The following RASGRF2 variants were observed in gnomAD, a reference collection of about 807,000 sequenced individuals.
RASGRF2 encodes the protein ras-specific guanine nucleotide-releasing factor 2.
A neutral mutation model predicts 151.0 loss-of-function variants in RASGRF2; 76 were observed. That is an observed-to-expected ratio of 0.50 (90% CI 0.42 to 0.61). The LOEUF is 0.61. Among genes scored for constraint, RASGRF2 ranks in the 20% least tolerant of loss-of-function variants. RASGRF2 has a pLI of 0.00. For synonymous variants in RASGRF2, 504 were observed against 566.5 expected (o/e 0.89, Z 1.57); for missense variants, 1,148 against 1,564.6 (o/e 0.73, Z 4.49).
chr5:81,205,663 C>T (rs192127265), intron 19 of RASGRF2, among the ~76,000 whole-genome samples: 1 of 152,334 alleles, frequency 6.6e-6, no homozygotes, highest in Admixed American at 6.5e-5. Context: ...CTCTTCATAT[C>T]GCATAAATCT....
intron 1 of RASGRF2, among the ~76,000 whole-genome samples, chr5:81,036,301 T>C (rs1750490799): frequency 6.6e-6 from 1 of 152,106 alleles, no homozygotes; most frequent in South Asian, 2.1e-4. Context: ...TCCTGCCATC[T>C]TCTTACCTTC....
At chr5:81,215,009 A>G (rs1171420268) in intron 23 of RASGRF2, among the ~76,000 whole-genome samples, 2 of 152,232 alleles carry the variant, frequency 1.3e-5, no homozygotes, top group East Asian at 3.8e-4. Context: ...TAAAGGGTTC[A>G]TCGCAAAAGC....
At chr5:81,011,332 A>T (rs755768074) in intron 1 of RASGRF2, among the ~76,000 whole-genome samples, 1 of 152,116 alleles carries the variant, frequency 6.6e-6, no homozygotes, top group Admixed American at 6.5e-5. Flanking sequence ...TTATTTAGCT[A>T]TCGCTTTATT....
chr5:80,977,541 C>A (rs915009735), intron 1 of RASGRF2, among the ~76,000 whole-genome samples: 3 of 152,062 alleles, frequency 2.0e-5, no homozygotes, highest in East Asian at 1.9e-4. Context: ...CAGCTCACTG[C>A]GACCTCCATC....
intron 1 of RASGRF2, among the ~76,000 whole-genome samples, chr5:81,038,974 A>G (rs941476641): frequency 2.0e-5 from 3 of 152,138 alleles, no homozygotes; most frequent in Admixed American, 1.3e-4. Flanking sequence ...CATTTGTTGT[A>G]TAAAAGTTTT....
chr5:80,978,518 C>T (rs1354478088), intron 1 of RASGRF2, among the ~76,000 whole-genome samples: 3 of 152,154 alleles, frequency 2.0e-5, no homozygotes, highest in Admixed American at 6.6e-5. Flanking sequence ...CACAGTGGCT[C>T]ATGCCTATAA....
intron 1 of RASGRF2, among the ~76,000 whole-genome samples, chr5:81,012,519 G>A (rs900697005): frequency 1.3e-5 from 2 of 152,076 alleles, no homozygotes; most frequent in Admixed American, 6.6e-5. Flanking sequence ...GTCAGTAGAC[G>A]GAATCTAGAC....
intron 1 of RASGRF2, among the ~76,000 whole-genome samples, chr5:81,006,175 G>T (rs554345052): frequency 6.6e-6 from 1 of 152,088 alleles, no homozygotes; most frequent in South Asian, 2.1e-4. Context: ...ACTCAAATTT[G>T]TATTACCCAA....
intron 12 of RASGRF2, among the ~76,000 whole-genome samples, chr5:81,104,521 T>A (rs1347959561): frequency 6.6e-6 from 1 of 152,180 alleles, no homozygotes; most frequent in Non-Finnish European, 1.5e-5. Context: ...GTGTATTATT[T>A]CCCCTTTCCA....
At chr5:81,113,154 T>A (rs951799890) in intron 14 of RASGRF2, among the ~76,000 whole-genome samples, 3 of 152,170 alleles carry the variant, frequency 2.0e-5, no homozygotes, top group Admixed American at 2.0e-4. Context: ...CTTTTTTTTT[T>A]TGACAATTAT....
chr5:81,059,727 C>T, intron 2 of RASGRF2, among the ~76,000 whole-genome samples: 1 of 151,932 alleles, frequency 6.6e-6, no homozygotes, highest in Non-Finnish European at 1.5e-5. Context: ...CACCTGTAAT[C>T]CCAGCTATTC....
At chr5:81,126,967 A>T in intron 16 of RASGRF2, 107 bp from the exon 17 acceptor site, 1 of 1,208,418 alleles carries the variant, frequency 8.3e-7, no homozygotes, top group Non-Finnish European at 1.2e-6. Context: ...AATACAGGGC[A>T]TTTGGCCCAG....
chr5:80,976,533 A>G (rs943193139), intron 1 of RASGRF2, among the ~76,000 whole-genome samples: 2 of 152,204 alleles, frequency 1.3e-5, no homozygotes, highest in African/African-American at 2.4e-5. Flanking sequence ...CATAACCTCT[A>G]TAATCTCTAT....
chr5:81,123,544 T>G (rs1753368601), intron 15 of RASGRF2, 98 bp from the exon 16 acceptor site: 13 of 1,385,536 alleles, frequency 9.4e-6, no homozygotes, highest in Non-Finnish European at 1.2e-5. Flanking sequence ...AATGAAATGC[T>G]TATTATCTGT....
At position 81,227,730 on chromosome 5, in the gene RASGRF2, G is replaced by A. The variant is rs1411574849; in HGVS notation, c.*1960G>A. On this transcript the variant is annotated 3_prime_UTR_variant, in exon 27 of 27. Transcript: ENST00000265080. The stretch of plus-strand genomic sequence containing the variant: ...GTCCTGAAGGGTGAACTAAAACCGG[G>A]ACAAATCTGTGAGAGGACCACACAC... The A allele has an allele frequency of 6.6e-6, 1 of 152,210 alleles. No homozygotes were observed. Among genetic ancestry groups the A allele is most frequent in the Non-Finnish European group, 1.5e-5 (1 of 68,052 alleles). 9.4% of individuals were successfully genotyped at this position (152,210 alleles called of 1,614,324 possible). A position where few individuals can be genotyped will look rare whatever the true frequency, so the allele number is the denominator to read the frequency against.
At chr5:81,208,735 G>A (rs1755568242) in intron 22 of RASGRF2, among the ~76,000 whole-genome samples, 1 of 151,768 alleles carries the variant, frequency 6.6e-6, no homozygotes, top group Admixed American at 6.6e-5. Context: ...TGTATTTTTA[G>A]TAAAGGGGTT....
chr5:81,082,824 G>A (rs754244892), intron 7 of RASGRF2, among the ~76,000 whole-genome samples: 1 of 152,248 alleles, frequency 6.6e-6, no homozygotes, highest in Non-Finnish European at 1.5e-5. Context: ...AGTTGAGCCA[G>A]AATTGTCCAA....
At chr5:81,216,758 G>A (rs1755748627) in intron 24 of RASGRF2, among the ~76,000 whole-genome samples, 1 of 152,250 alleles carries the variant, frequency 6.6e-6, no homozygotes, top group East Asian at 1.9e-4. Context: ...AGCTCCTCCC[G>A]CATCAAAAGC....
chr5:81,085,077 C>T (rs1398239632), intron 7 of RASGRF2, among the ~76,000 whole-genome samples: 1 of 152,130 alleles, frequency 6.6e-6, no homozygotes, highest in East Asian at 1.9e-4. Context: ...CCTGGAGCAC[C>T]CAGTCTAACC....
Sources: gnomAD v4.1 joint callset for allele counts (sites outside exome capture counted in the v4.1 genomes callset) on GRCh38, gnomAD v4.1.1 for gene constraint, MANE v1.5 for transcripts, NCBI Gene and HGNC (gene_info 2026-07-23, HGNC 2026-07-21) for gene names.